Variants in PTTG1IP2 observed in about 807,000 individuals in gnomAD.
PTTG1IP2 encodes PTTG1IP family member 2.
chr7:90,504,498 C>A (rs17867683), intron 6 of PTTG1IP2, among the ~76,000 whole-genome samples: 21,409 of 152,128 alleles, frequency 0.14, 1,827 homozygotes, highest in Middle Eastern at 0.24. Flanking sequence ...ATCCCTGTCA[C>A]AACTACCTTG....
At chr7:90,483,231 C>T (rs757845293) in intron 2 of PTTG1IP2, among the ~76,000 whole-genome samples, 47 of 152,230 alleles carry the variant, frequency 3.1e-4, no homozygotes, top group Non-Finnish European at 6.8e-4. Context: ...CCACTGTTGG[C>T]ATGATCCTCC....
intron 6 of PTTG1IP2, among the ~76,000 whole-genome samples, chr7:90,510,896 A>G (rs1361394945): frequency 6.6e-6 from 1 of 152,210 alleles, no homozygotes; most frequent in East Asian, 1.9e-4. Context: ...GTGGTGCTTA[A>G]AAACTTGGAA....
intron 2 of PTTG1IP2, among the ~76,000 whole-genome samples, chr7:90,480,904 A>G (rs1042444819): frequency 2.6e-5 from 4 of 152,144 alleles, no homozygotes; most frequent in Non-Finnish European, 5.9e-5. Context: ...ATTTGGATTA[A>G]TTTTAGACTT....
intron 6 of PTTG1IP2, among the ~76,000 whole-genome samples, chr7:90,504,385 A>G (rs1798100977): frequency 6.6e-6 from 1 of 152,096 alleles, no homozygotes; most frequent in African/African-American, 2.4e-5. Context: ...CAGAGAGCGT[A>G]ATTTTCACCT....
chr7:90,489,186 G>A (rs181385186), intron 4 of PTTG1IP2, among the ~76,000 whole-genome samples: 2 of 150,330 alleles, frequency 1.3e-5, no homozygotes, highest in Admixed American at 1.3e-4. Flanking sequence ...TGTCTTCCCA[G>A]AAGTAATCCT....
At chr7:90,479,475 C>T (rs1002148795) in intron 2 of PTTG1IP2, among the ~76,000 whole-genome samples, 1 of 151,692 alleles carries the variant, frequency 6.6e-6, no homozygotes, top group Non-Finnish European at 1.5e-5. Flanking sequence ...TAATTAAGTA[C>T]AAACATGTAC....
At chr7:90,476,335 T>C (rs1369741619) in intron 1 of PTTG1IP2, among the ~76,000 whole-genome samples, 1 of 152,170 alleles carries the variant, frequency 6.6e-6, no homozygotes, top group African/African-American at 2.4e-5. Context: ...AGAAATCATA[T>C]GGAAGTTTAA....
intron 6 of PTTG1IP2, among the ~76,000 whole-genome samples, chr7:90,502,767 T>C (rs1225916912): frequency 6.6e-6 from 1 of 152,222 alleles, no homozygotes; most frequent in Non-Finnish European, 1.5e-5. Context: ...TAAACAGATG[T>C]GCTATCATCT....
intron 4 of PTTG1IP2, among the ~76,000 whole-genome samples, chr7:90,490,373 G>A (rs1200857551): frequency 2.0e-5 from 3 of 150,762 alleles, no homozygotes; most frequent in East Asian, 3.9e-4. Flanking sequence ...CACATTTATA[G>A]GTCAACCTGT....
At chr7:90,486,075 C>G (rs778230157) in intron 2 of PTTG1IP2, among the ~76,000 whole-genome samples, 3 of 152,140 alleles carry the variant, frequency 2.0e-5, no homozygotes, top group Non-Finnish European at 4.4e-5. Flanking sequence ...AAAAGCTGGC[C>G]TGTGATATAC....
intron 6 of PTTG1IP2, among the ~76,000 whole-genome samples, chr7:90,504,719 A>G (rs1798105834): frequency 1.3e-5 from 2 of 152,328 alleles, no homozygotes; most frequent in South Asian, 4.1e-4. Context: ...ACAGATTTTT[A>G]AAAGATATCA....
intron 6 of PTTG1IP2, among the ~76,000 whole-genome samples, chr7:90,497,742 A>AAAAAAAAAAG (rs1554407474): frequency 7.4e-6 from 1 of 135,670 alleles, no homozygotes. Flanking sequence ...AAAAAAAAAA[A>AAAAAAAAAAG]AAGAAGAAGA....
At chr7:90,471,381 C>T (rs549407846) in intron 1 of PTTG1IP2, among the ~76,000 whole-genome samples, 84 of 152,268 alleles carry the variant, frequency 5.5e-4, no homozygotes, top group African/African-American at 2.0e-3. Flanking sequence ...TTGTTTTGAT[C>T]CCCAGGACTT....
At chr7:90,491,597 C>T (rs536680271) in intron 4 of PTTG1IP2, among the ~76,000 whole-genome samples, 12 of 150,302 alleles carry the variant, frequency 8.0e-5, no homozygotes, top group Admixed American at 2.7e-4. Context: ...CACCCCAGCC[C>T]GGGTGACATA....
intron 1 of PTTG1IP2, among the ~76,000 whole-genome samples, chr7:90,478,033 G>T (rs1797769974): frequency 6.9e-6 from 1 of 144,876 alleles, no homozygotes; most frequent in Non-Finnish European, 1.5e-5. Context: ...GGAGGCGGAG[G>T]TTGTAGTGAG....
At chr7:90,505,737 C>G (rs2116122171) in intron 6 of PTTG1IP2, among the ~76,000 whole-genome samples, 1 of 152,172 alleles carries the variant, frequency 6.6e-6, no homozygotes, top group African/African-American at 2.4e-5. Context: ...GTAATCCCAG[C>G]ACTTTGGGAG....
At chr7:90,480,178 C>T (rs1336502241) in intron 2 of PTTG1IP2, among the ~76,000 whole-genome samples, 1 of 152,206 alleles carries the variant, frequency 6.6e-6, no homozygotes, top group East Asian at 1.9e-4. Context: ...GACATCACTT[C>T]TGTGGCATCT....
At position 90,482,861 on chromosome 7, in the gene PTTG1IP2, C is replaced by G. The variant is rs532087832; in HGVS notation, c.192+3587C>G. Among the ~76,000 whole-genome samples, 3 of 152,204 alleles carry G rather than the reference C, an allele frequency of 2.0e-5. No homozygotes were observed. The South Asian group carries it at 6.2e-4, about 32-fold the overall frequency. On this transcript the variant is annotated intron_variant, in intron 2 of 6. Coordinates refer to ENST00000509356, the MANE Select transcript of PTTG1IP2 (RefSeq NM_001365443.2). ...ACCTGATATGGATGGTTGGTTGAGA[C>G]AAAAAGGCGTCAAGTTACAGCAAGC...
intron 6 of PTTG1IP2, among the ~76,000 whole-genome samples, chr7:90,496,823 AT>A (rs1797996963): frequency 6.6e-6 from 1 of 152,028 alleles, no homozygotes; most frequent in Non-Finnish European, 1.5e-5. Context: ...TGTAGGCATG[AT>A]TGTTATTAAC....
Sources: allele counts gnomAD v4.1 joint callset (sites outside exome capture counted in the v4.1 genomes callset), GRCh38; gene constraint gnomAD v4.1.1; transcripts MANE v1.5; gene names NCBI Gene and HGNC (gene_info 2026-07-23, HGNC 2026-07-21).